The following SHCBP1L variants were observed in gnomAD, a reference collection of about 807,000 sequenced individuals.
The protein encoded by SHCBP1L is testicular spindle-associated protein SHCBP1L.
A neutral mutation model predicts 62.5 loss-of-function variants in SHCBP1L; 67 were observed. The ratio of observed to expected loss-of-function variants is 1.07; its 90% CI spans 0.88 to 1.31. The LOEUF (loss-of-function observed/expected upper bound fraction) is 1.31. Among genes scored for constraint, SHCBP1L ranks in the 40% most tolerant of loss-of-function variants. The probability of loss-of-function intolerance (pLI) is 0.00; values close to 1 mark genes in which losing one functional copy is unlikely to be tolerated. For synonymous variants in SHCBP1L, 284 were observed against 289.4 expected, an observed-to-expected ratio of 0.98 and a Z score of 0.19; for missense variants, 823 against 809.8, an observed-to-expected ratio of 1.02 and a Z score of -0.20.
intron 2 of SHCBP1L, among the ~76,000 whole-genome samples, chr1:182,946,626 T>C (rs1379949476): frequency 1.3e-5 from 2 of 152,074 alleles, no homozygotes; most frequent in African/African-American, 4.8e-5. Flanking sequence ...AATTTGTAGG[T>C]TTATATCTTT....
Position 182,953,076 on chromosome 1 carries a change from C to A in SHCBP1L, c.58G>T (p.Asp20Tyr). The A allele has an allele frequency of 6.4e-7, 1 of 1,556,618 alleles. No individual in the cohort carries two copies. Among genetic ancestry groups the A allele is most frequent in the South Asian group, 1.2e-5 (1 of 85,582 alleles). ...GAGGCGGACTTCTCGCCTCGCCTGT[C>A]CGGGCTGATGGTGCGGAATGAGTCC... Reference protein sequence around the residue: ...PADSFRTISPDRRGEKSASAV... With the variant: ...PADSFRTISPYRRGEKSASAV... Residue 20 changes from aspartate to tyrosine, a missense_variant, in exon 1 of 10, where the codon GAC becomes TAC. By Grantham distance (160) the Asp-to-Tyr change is radical. Transcript: ENST00000367547.
Position 182,905,496 on chromosome 1 carries a change from C to A in SHCBP1L, c.1336G>T (p.Gly446Ter). 1 of 1,613,450 alleles carries A rather than the reference C, an allele frequency of 6.2e-7. No homozygotes were observed. The highest frequency in any genetic ancestry group is 1.1e-5 in the South Asian group (1 of 90,998). ...ALLTDDIIIKGVGKREEIMIT... is the reference protein window; with the variant it reads ...ALLTDDIIIK ...AAACTACAAAGGATGCCCTGCTAACCCTTTATAATGATGTCATCTGTCAAC... is the reference window on the plus strand; with the variant it reads ...AAACTACAAAGGATGCCCTGCTAACACTTTATAATGATGTCATCTGTCAAC... The change falls in exon 7 of 10, where the codon GGA (glycine) becomes TGA (stop). Residue 446 changes from glycine to a stop codon, truncating the protein, a stop_gained and splice_region_variant. Transcript: ENST00000367547. LOFTEE classifies it high-confidence loss of function.
chr1:182,928,741 G>T (rs1650863110), intron 6 of SHCBP1L, among the ~76,000 whole-genome samples: 1 of 152,130 alleles, frequency 6.6e-6, no homozygotes, highest in Non-Finnish European at 1.5e-5. Context: ...AAGTCAATGG[G>T]ATAAGATTAT....
At chr1:182,952,552 G>T (rs1450868856) in intron 1 of SHCBP1L, 177 bp downstream of exon 1, 20 of 695,844 alleles carry the variant, frequency 2.9e-5, no homozygotes, top group Non-Finnish European at 4.2e-5. Context: ...AGGGCAGGAC[G>T]CGGGCACCTC....
chr1:182,950,307 TGTTTAGCCTACAGGCCTAACAAAGAAAAA>T (rs1474735125), intron 2 of SHCBP1L, among the ~76,000 whole-genome samples: 2 of 152,168 alleles, frequency 1.3e-5, no homozygotes, highest in Non-Finnish European at 1.5e-5. Context: ...CATGCCACAA[TGTTTAGCCTACAGGCCTAACAAAGAAAAA>T]TCTTATTAGG....
chr1:182,934,210 T>C (rs1457985071), intron 5 of SHCBP1L, among the ~76,000 whole-genome samples: 3 of 152,174 alleles, frequency 2.0e-5, no homozygotes, highest in Non-Finnish European at 4.4e-5. Context: ...CCAAGTAGGA[T>C]TGCAACTGCT....
intron 9 of SHCBP1L, among the ~76,000 whole-genome samples, chr1:182,902,290 A>T (rs972850116): frequency 3.3e-5 from 5 of 151,856 alleles, no homozygotes; most frequent in African/African-American, 4.8e-5. Context: ...TGACCTCGTG[A>T]TCTGCTCACC....
intron 2 of SHCBP1L, among the ~76,000 whole-genome samples, chr1:182,941,253 C>CAAAAAAA (rs368017905): frequency 1.2e-4 from 7 of 57,434 alleles, no homozygotes; most frequent in Admixed American, 1.8e-4. Context: ...ACTCAAACAC[C>CAAAAAAA]AAAAAAAAAA....
chr1:182,939,965 G>C (rs1651302919), intron 3 of SHCBP1L, among the ~76,000 whole-genome samples: 1 of 152,066 alleles, frequency 6.6e-6, no homozygotes, highest in Admixed American at 6.6e-5. Context: ...TAATGTGAAT[G>C]ATGATATCTA....
At position 182,952,854 on chromosome 1, in the gene SHCBP1L, G is replaced by GC. The variant is rs779160349; in HGVS notation, c.279dup (p.Leu94AlafsTer5). Reference sequence around the variant, plus strand: ...TCCTCTTCATCCTCAGGCACTGGCAGCAGGGGCTCCTCCGCCGCCGCCGCC... The same window carrying GC: ...TCCTCTTCATCCTCAGGCACTGGCAGCCAGGGGCTCCTCCGCCGCCGCCGCC... On this transcript the variant is annotated frameshift_variant, in exon 1 of 10. Transcript: ENST00000367547. LOFTEE classifies it high-confidence loss of function. 6.2e-7 allele frequency: 1 copy of GC among 1,609,082 alleles called. No individual in the cohort carries two copies. The highest frequency in any genetic ancestry group is 1.3e-5 in the African/African-American group (1 of 74,842).
At chr1:182,917,237 C>T (rs1223252425) in intron 6 of SHCBP1L, among the ~76,000 whole-genome samples, 1 of 152,058 alleles carries the variant, frequency 6.6e-6, no homozygotes, top group Non-Finnish European at 1.5e-5. Context: ...GCAAACTGAA[C>T]TCAACAACAT....
chr1:182,925,411 CCAA>C (rs1282483049), intron 6 of SHCBP1L, among the ~76,000 whole-genome samples: 4 of 151,966 alleles, frequency 2.6e-5, no homozygotes, highest in East Asian at 3.9e-4. Flanking sequence ...ACACAAATGG[CCAA>C]CAAGTCCATG....
intron 2 of SHCBP1L, among the ~76,000 whole-genome samples, chr1:182,949,486 C>A (rs554839390): frequency 6.6e-6 from 1 of 151,854 alleles, no homozygotes; most frequent in African/African-American, 2.4e-5. Flanking sequence ...CACTTGAGGT[C>A]GGGGGTTCGA....
chr1:182,921,046 A>G (rs1650512812), intron 6 of SHCBP1L, among the ~76,000 whole-genome samples: 1 of 152,146 alleles, frequency 6.6e-6, no homozygotes, highest in South Asian at 2.1e-4. Context: ...GATACTATAC[A>G]AAATGACCAT....
intron 8 of SHCBP1L, among the ~76,000 whole-genome samples, chr1:182,903,898 TG>T (rs1417537759): frequency 6.6e-6 from 1 of 152,220 alleles, no homozygotes; most frequent in Non-Finnish European, 1.5e-5. Flanking sequence ...AACTATCAAA[TG>T]ACTGACTCAT....
At chr1:182,931,874 T>A (rs1651008490) in intron 5 of SHCBP1L, among the ~76,000 whole-genome samples, 1 of 150,402 alleles carries the variant, frequency 6.6e-6, no homozygotes, top group Admixed American at 6.7e-5. Flanking sequence ...TATAGTATAA[T>A]ACAGAAGAGT....
intron 6 of SHCBP1L, among the ~76,000 whole-genome samples, chr1:182,927,523 T>G (rs1015537302): frequency 1.3e-5 from 2 of 151,802 alleles, no homozygotes; most frequent in African/African-American, 2.4e-5. Flanking sequence ...ATACAAAAAA[T>G]TAGCCGGGCG....
In SHCBP1L at chr1:182,904,236, A is replaced by G; in HGVS notation, c.1531T>C (p.Cys511Arg). The change falls in exon 8 of 10, where the codon TGT becomes CGT. Residue 511 changes from cysteine (C) to arginine (R), a missense_variant. Physicochemically the swap from Cys to Arg is radical, Grantham distance 180 (BLOSUM62 -3). Coordinates refer to ENST00000367547, the MANE Select transcript of SHCBP1L (RefSeq NM_030933.4). Reference sequence around the variant, plus strand: ...GTCAAAGCAGCCCCTGTAAGAACACACACTCCTGTTCCTTCACATTTTAAT... The same window carrying G: ...GTCAAAGCAGCCCCTGTAAGAACACGCACTCCTGTTCCTTCACATTTTAAT... ...CILKCEGTGV[C>R]VLTGAALTIT... 3 of 1,614,122 alleles carry G rather than the reference A, an allele frequency of 1.9e-6. No homozygotes were observed. Among genetic ancestry groups the G allele is most frequent in the Non-Finnish European group, 1.7e-6 (2 of 1,180,008 alleles).
intron 7 of SHCBP1L, 81 bp from the exon 8 acceptor site, chr1:182,904,511 T>C (rs1649943167): frequency 6.8e-7 from 1 of 1,476,860 alleles, no homozygotes; most frequent in African/African-American, 1.4e-5. Context: ...AATACTGCTG[T>C]TACTAAAGTT....
Sources: gnomAD v4.1 joint callset for allele counts (sites outside exome capture counted in the v4.1 genomes callset) on GRCh38, gnomAD v4.1.1 for gene constraint, MANE v1.5 for transcripts, NCBI Gene and HGNC (gene_info 2026-07-23, HGNC 2026-07-21) for gene names.